The following LYPD6 variants were observed in gnomAD, a reference collection of about 807,000 sequenced individuals.
LYPD6 encodes LY6/PLAUR domain containing 6.
LYPD6 carries 15 observed loss-of-function variants against 22.7 expected under a neutral mutation model. The ratio of observed to expected loss-of-function variants is 0.66; its 90% CI spans 0.44 to 1.02. The LOEUF (loss-of-function observed/expected upper bound fraction) is 1.02, where lower values mean the gene tolerates loss of function less well. Ranked by LOEUF, LYPD6 falls within the 50% of genes least tolerant of loss-of-function variation. LYPD6 has a pLI of 0.00. For missense variants in LYPD6, 189 were observed against 208.4 expected (o/e 0.91, Z 0.57); for synonymous variants, 72 against 77.5 (o/e 0.93, Z 0.37).
At chr2:149,474,226 TTGCTC>T (rs1265672612), downstream of LYPD6, 1 of 152,152 alleles carries the variant, frequency 6.6e-6, no homozygotes, top group Non-Finnish European at 1.5e-5. Context: ...CAGCAGGGTC[TTGCTC>T]TGTTGCCCAG....
intron 1 of LYPD6, among the ~76,000 whole-genome samples, chr2:149,435,169 C>T (rs2105147283): frequency 6.6e-6 from 1 of 152,314 alleles, no homozygotes; most frequent in African/African-American, 2.4e-5. Context: ...AGAGAGGCCT[C>T]AGGAGACAGC....
At chr2:149,430,985 C>T (rs529402258) in intron 1 of LYPD6, among the ~76,000 whole-genome samples, 6 of 152,234 alleles carry the variant, frequency 3.9e-5, no homozygotes, top group Admixed American at 6.5e-5. Context: ...AACTTTCTCC[C>T]AAGTGGAGGA....
rs1205781757 is a variant in LYPD6 at position 149,474,085 on chromosome 2, T to C, written c.*3235T>C. ...GAATAGTGTACATGTCATTTTTATC[T>C]ATACAATGAATTTATTATATTTTTC... On this transcript the variant is annotated 3_prime_UTR_variant, in exon 5 of 5. Transcript: ENST00000334166. 1 of 152,222 alleles carries C rather than the reference T, an allele frequency of 6.6e-6. No homozygotes were observed. The highest frequency in any genetic ancestry group is 1.5e-5 in the Non-Finnish European group (1 of 68,046). 9.4% of individuals were successfully genotyped at this position (152,222 alleles called of 1,614,324 possible). A position where few individuals can be genotyped will look rare whatever the true frequency, so the allele number is the denominator to read the frequency against.
chr2:149,362,484 G>A (rs1681590491), intron 1 of LYPD6, among the ~76,000 whole-genome samples: 1 of 152,152 alleles, frequency 6.6e-6, no homozygotes, highest in Admixed American at 6.5e-5. Flanking sequence ...GGAGAACTTA[G>A]AAAGGTCTGT....
chr2:149,406,801 T>G (rs1371777542), intron 1 of LYPD6, among the ~76,000 whole-genome samples: 1,748 of 123,870 alleles, frequency 0.014, no homozygotes, highest in East Asian at 0.024. Context: ...ATTTTGCTCG[T>G]TAGTTGATGC....
At position 149,359,849 on chromosome 2, in the gene LYPD6, G is replaced by A. The variant is rs557517319; in HGVS notation, c.-72+29127G>A. On this transcript the variant is annotated intron_variant, in intron 1 of 4. Coordinates refer to ENST00000334166, the MANE Select transcript of LYPD6 (RefSeq NM_194317.5). ...CCCCAAGAGAGGGTTCCTGGACCTC[G>A]TGCAGGAAAGAATTTGTGGTAAGTT... Among the ~76,000 whole-genome samples, 7 of 152,222 alleles carry A rather than the reference G, an allele frequency of 4.6e-5. No homozygotes were observed. The South Asian group carries it at 1.0e-3, about 23-fold the overall frequency.
chr2:149,330,854 C>G (rs1382587039), intron 1 of LYPD6, 132 bp downstream of exon 1: 1 of 152,412 alleles, frequency 6.6e-6, no homozygotes, highest in Non-Finnish European at 1.5e-5. Flanking sequence ...CTAGGGCAGT[C>G]CCCTGGGGCC....
At chr2:149,477,139 T>C (rs1009209193), downstream of LYPD6, among the ~76,000 whole-genome samples, 2 of 152,158 alleles carry the variant, frequency 1.3e-5, no homozygotes, top group African/African-American at 4.8e-5. Context: ...ATTCAAAGCG[T>C]TGGGCCCATC....
At chr2:149,410,835 C>A (rs1682835530) in intron 1 of LYPD6, among the ~76,000 whole-genome samples, 1 of 152,130 alleles carries the variant, frequency 6.6e-6, no homozygotes, top group African/African-American at 2.4e-5. Flanking sequence ...AGGGCCCAGG[C>A]AAGTACAATA....
intron 3 of LYPD6, among the ~76,000 whole-genome samples, chr2:149,463,589 A>G (rs1291344911): frequency 6.6e-6 from 1 of 152,206 alleles, no homozygotes; most frequent in Non-Finnish European, 1.5e-5. Context: ...ACAAATGTTC[A>G]TGGTAGCTTT....
chr2:149,417,561 A>G (rs186314441), intron 1 of LYPD6, among the ~76,000 whole-genome samples: 29 of 152,264 alleles, frequency 1.9e-4, no homozygotes, highest in Non-Finnish European at 3.5e-4. Flanking sequence ...GTTGGGAGGG[A>G]AAAACTGTCT....
intron 4 of LYPD6, 87 bp downstream of exon 4, chr2:149,468,862 C>A: frequency 7.1e-7 from 1 of 1,409,268 alleles, no homozygotes; most frequent in Non-Finnish European, 9.8e-7. Flanking sequence ...CAGATTCTTA[C>A]TCCCCCGTGA....
At chr2:149,475,216 ACTTTC>A (rs1370054237), downstream of LYPD6, among the ~76,000 whole-genome samples, 3 of 152,314 alleles carry the variant, frequency 2.0e-5, no homozygotes, top group East Asian at 5.8e-4. Flanking sequence ...TGTTTTAATA[ACTTTC>A]CTTTAACTTA....
intron 1 of LYPD6, among the ~76,000 whole-genome samples, chr2:149,377,509 G>A (rs1389574588): frequency 2.0e-5 from 3 of 152,124 alleles, no homozygotes; most frequent in East Asian, 3.9e-4. Flanking sequence ...GGCTGGGTGC[G>A]GTGGCTCATA....
intron 1 of LYPD6, among the ~76,000 whole-genome samples, chr2:149,415,049 A>G (rs1325591955): frequency 6.6e-6 from 1 of 152,248 alleles, no homozygotes; most frequent in Non-Finnish European, 1.5e-5. Context: ...CCCTTGTGGC[A>G]ACATTCAGCC....
At chr2:149,431,126 G>A (rs547847844) in intron 1 of LYPD6, among the ~76,000 whole-genome samples, 63 of 152,204 alleles carry the variant, frequency 4.1e-4, no homozygotes, top group African/African-American at 1.4e-3. Flanking sequence ...CTGTCAGAGC[G>A]GTATTAGATT....
At chr2:149,362,015 G>A (rs1681579966) in intron 1 of LYPD6, among the ~76,000 whole-genome samples, 1 of 152,142 alleles carries the variant, frequency 6.6e-6, no homozygotes, top group African/African-American at 2.4e-5. Flanking sequence ...AGTGCATGTA[G>A]CCTCTGGAAA....
intron 1 of LYPD6, among the ~76,000 whole-genome samples, chr2:149,339,686 C>G (rs1681123498): frequency 6.6e-6 from 1 of 152,122 alleles, no homozygotes. Flanking sequence ...TATCTGAAAA[C>G]AAGGGATTTT....
chr2:149,399,720 G>A (rs985088832), intron 1 of LYPD6, among the ~76,000 whole-genome samples: 71 of 150,298 alleles, frequency 4.7e-4, no homozygotes, highest in Admixed American at 4.4e-3. Flanking sequence ...TAAATTATAA[G>A]TATATGGATA....
Sources: allele counts gnomAD v4.1 joint callset (sites outside exome capture counted in the v4.1 genomes callset), GRCh38; gene constraint gnomAD v4.1.1; transcripts MANE v1.5; gene names NCBI Gene and HGNC (gene_info 2026-07-23, HGNC 2026-07-21).